ATP11C: variants seen among roughly 807,000 people sequenced by gnomAD.
The protein encoded by ATP11C is ATPase phospholipid transporting 11C (ATP11C blood group), also known as phospholipid-transporting ATPase IG.
Under a neutral mutation model 97.4 loss-of-function variants are expected in ATP11C, and 36 were observed. The observed-to-expected ratio is 0.37, with a 90% CI of 0.28 to 0.49. The LOEUF (loss-of-function observed/expected upper bound fraction) is 0.49. ATP11C is among the 20% of genes least tolerant of loss of function. ATP11C has a pLI of 0.98. For missense variants in ATP11C, 730 were observed against 824.6 expected (o/e 0.89, Z 1.40); for synonymous variants, 275 against 290.9 (o/e 0.95, Z 0.56).
chrX:139,932,573 C>T lies in ATP11C; in HGVS notation c.-531G>A, dbSNP rs2085459242. On this transcript the variant is annotated 5_prime_UTR_variant, in exon 1 of 30. Transcript: ENST00000682941. Reference sequence around the variant, plus strand: ...CCGAGGCACCCCGCGCCTCACCTCGCCTCAGCCCGACACTACTCCCCTGTC... The same window carrying T: ...CCGAGGCACCCCGCGCCTCACCTCGTCTCAGCCCGACACTACTCCCCTGTC... 1 of 111,374 alleles carries T rather than the reference C, an allele frequency of 9.0e-6. No homozygotes were observed. The highest frequency in any genetic ancestry group is 3.3e-5 in the African/African-American group (1 of 30,703). 9.2% of individuals were successfully genotyped at this position (111,374 alleles called of 1,213,427 possible).
chrX:139,858,012 T>C (rs2084120949), intron 1 of ATP11C, among the ~76,000 whole-genome samples: 1 of 111,705 alleles, frequency 9.0e-6, no homozygotes, highest in Non-Finnish European at 1.9e-5. Context: ...GAATAGATTA[T>C]TGTTAGAGTG....
chrX:139,908,996 T>A (rs1178347551), intron 1 of ATP11C, among the ~76,000 whole-genome samples: 1 of 112,365 alleles, frequency 8.9e-6, no homozygotes, highest in East Asian at 2.8e-4. Context: ...AGTTAATCAA[T>A]TTGCTTCTAA....
chrX:139,753,404 GAATTTCTTTAAAACT>G (rs1206645902), intron 23 of ATP11C, among the ~76,000 whole-genome samples: 1 of 111,987 alleles, frequency 8.9e-6, no homozygotes, highest in East Asian at 2.8e-4. Flanking sequence ...CAAAAATCAA[GAATTTCTTTAAAACT>G]AATGAAGAAC....
At chrX:139,844,637 A>T (rs911298511) in intron 1 of ATP11C, among the ~76,000 whole-genome samples, 1 of 112,207 alleles carries the variant, frequency 8.9e-6, no homozygotes, top group East Asian at 2.8e-4. Context: ...CATTCTTTCC[A>T]AATCAAATCA....
intron 5 of ATP11C, among the ~76,000 whole-genome samples, chrX:139,811,364 C>A (rs761679748): frequency 1.8e-5 from 2 of 111,228 alleles, no homozygotes; most frequent in African/African-American, 3.3e-5. Context: ...ACAACTCCAA[C>A]TGTATGTCTA....
At chrX:139,790,464 T>TCA (rs56853640) in intron 12 of ATP11C, among the ~76,000 whole-genome samples, 3,006 of 99,047 alleles carry the variant, frequency 0.03, 56 homozygotes, top group East Asian at 0.083. Context: ...TCTCTCTCAC[T>TCA]CACACACACA....
intron 1 of ATP11C, among the ~76,000 whole-genome samples, chrX:139,834,719 T>C (rs2083721391): frequency 8.9e-6 from 1 of 111,963 alleles, no homozygotes; most frequent in South Asian, 3.7e-4. Context: ...AATGCCACAG[T>C]AAGATAAATG....
intron 1 of ATP11C, among the ~76,000 whole-genome samples, chrX:139,925,189 T>C (rs755384101): frequency 3.6e-5 from 4 of 112,343 alleles, no homozygotes; most frequent in Non-Finnish European, 5.6e-5. Context: ...TAAGAACCAC[T>C]TGGAATGCTT....
chrX:139,745,916 A>G (rs1603339949), intron 24 of ATP11C, 59 bp from the exon 25 acceptor site: 1 of 1,134,726 alleles, frequency 8.8e-7, no homozygotes, highest in African/African-American at 1.8e-5. Context: ...ACATACAGTG[A>G]AATGTCAAAG....
intron 23 of ATP11C, among the ~76,000 whole-genome samples, chrX:139,757,141 A>G (rs750050597): frequency 5.3e-4 from 59 of 111,040 alleles, no homozygotes; most frequent in Non-Finnish European, 9.6e-4. Context: ...GCAATGTGGT[A>G]GCTCAGTTTG....
At chrX:139,866,298 T>C (rs2491010) in intron 1 of ATP11C, among the ~76,000 whole-genome samples, 17,028 of 93,771 alleles carry the variant, frequency 0.18, 3,141 homozygotes, top group African/African-American at 0.53. Context: ...GAGCCAAGGT[T>C]GCACCACTAT....
intron 1 of ATP11C, among the ~76,000 whole-genome samples, chrX:139,922,223 A>AATATATATATATATAT (rs201394639): frequency 3.0e-4 from 13 of 43,751 alleles, no homozygotes; most frequent in East Asian, 6.4e-4. Flanking sequence ...TCCTTCTCTA[A>AATATATATATATATAT]ATATATATAT....
intron 4 of ATP11C, among the ~76,000 whole-genome samples, 197 bp from the exon 5 acceptor site, chrX:139,815,182 T>C (rs1335206124): frequency 3.6e-5 from 4 of 112,279 alleles, no homozygotes; most frequent in African/African-American, 1.3e-4. Flanking sequence ...CTTAGATAAA[T>C]AGCTTTGTTG....
chrX:139,767,183 A>G, intron 20 of ATP11C, among the ~76,000 whole-genome samples: 1 of 111,973 alleles, frequency 8.9e-6, no homozygotes, highest in South Asian at 3.7e-4. Context: ...GTATGATAGG[A>G]AGAGTTGTGT....
At chrX:139,827,932 TC>T (rs1331693268) in intron 1 of ATP11C, among the ~76,000 whole-genome samples, 4 of 111,957 alleles carry the variant, frequency 3.6e-5, no homozygotes, top group African/African-American at 1.3e-4. Flanking sequence ...GAAAATTATT[TC>T]TTCGTTTAAA....
chrX:139,838,686 TG>T (rs2083782975), intron 1 of ATP11C, among the ~76,000 whole-genome samples: 1 of 112,674 alleles, frequency 8.9e-6, no homozygotes, highest in African/African-American at 3.2e-5. Context: ...CAGTGGCTCA[TG>T]CCTGTAATCA....
At chrX:139,887,694 G>A (rs1305210620) in intron 1 of ATP11C, among the ~76,000 whole-genome samples, 1 of 110,652 alleles carries the variant, frequency 9.0e-6, no homozygotes, top group Non-Finnish European at 1.9e-5. Context: ...CTTGGGCTGG[G>A]GGTGGTGGCT....
intron 25 of ATP11C, 37 bp from the exon 26 acceptor site, chrX:139,743,661 T>C (rs767132752): frequency 9.6e-6 from 8 of 833,512 alleles, no homozygotes; most frequent in South Asian, 3.1e-5. Context: ...ACCATGTATA[T>C]ACAAGTATTA....
intron 5 of ATP11C, among the ~76,000 whole-genome samples, chrX:139,808,091 T>A (rs1471631132): frequency 9.0e-6 from 1 of 111,524 alleles, no homozygotes; most frequent in Admixed American, 9.5e-5. Flanking sequence ...ATGAAAACCA[T>A]GTTATCAGAG....
Sources: gnomAD v4.1 joint callset for allele counts (sites outside exome capture counted in the v4.1 genomes callset) on GRCh38, gnomAD v4.1.1 for gene constraint, MANE v1.5 for transcripts, NCBI Gene and HGNC (gene_info 2026-07-23, HGNC 2026-07-21) for gene names.